Variants in CYFIP1 observed in about 807,000 individuals in gnomAD.
The protein encoded by CYFIP1 is cytoplasmic FMR1 interacting protein 1, also known as cytoplasmic FMR1-interacting protein 1.
Under a neutral mutation model 163.5 loss-of-function variants are expected in CYFIP1, and 58 were observed. The ratio of observed to expected loss-of-function variants is 0.35; its 90% CI spans 0.29 to 0.44. The LOEUF is 0.44. Ranked by LOEUF, CYFIP1 falls within the 20% of genes least tolerant of loss-of-function variation. The pLI, the probability that CYFIP1 is intolerant of heterozygous loss-of-function variation, is 1.00. For synonymous variants in CYFIP1, 663 were observed against 660.7 expected, an observed-to-expected ratio of 1.00 and a Z score of -0.05; for missense variants, 1,338 against 1,653.8, an observed-to-expected ratio of 0.81 and a Z score of 3.31.
In CYFIP1 at chr15:22,868,571, A is replaced by ACAT. The variant is rs2059313333; in HGVS notation, c.*1454_*1456dup. 1 of 150,052 alleles carries ACAT rather than the reference A, an allele frequency of 6.7e-6. No individual in the cohort carries two copies. The highest frequency in any genetic ancestry group is 1.5e-5 in the Non-Finnish European group (1 of 67,994). The allele number at this position is 150,052 out of a possible 1,614,324, so 9.3% of individuals were successfully genotyped here. A position where few individuals can be genotyped will look rare whatever the true frequency, so the allele number is the denominator to read the frequency against. On this transcript the variant is annotated 3_prime_UTR_variant, in exon 31 of 31. Coordinates refer to ENST00000617928, the MANE Select transcript of CYFIP1 (RefSeq NM_014608.6). ...ATGCTGGCCCCAGGGTTATTAATTC[A>ACAT]CATTACCAAAAGCATTTTTAGGGAA...
At chr15:22,967,151 C>T (rs933780798) in intron 1 of CYFIP1, among the ~76,000 whole-genome samples, 5 of 152,300 alleles carry the variant, frequency 3.3e-5, no homozygotes, top group African/African-American at 7.2e-5. Context: ...GGTTGGGACA[C>T]GGGACAAGGA....
intron 13 of CYFIP1, among the ~76,000 whole-genome samples, chr15:22,921,158 A>G (rs1328550398): frequency 6.6e-6 from 1 of 152,052 alleles, no homozygotes; most frequent in East Asian, 1.9e-4. Context: ...TCACAAGGTC[A>G]GGAGTTCGAG....
At position 22,880,689 on chromosome 15, in the gene CYFIP1, T is replaced by G. The variant is rs533637585; in HGVS notation, c.2912-646A>C. On this transcript the variant is annotated intron_variant, in intron 25 of 30. Coordinates refer to ENST00000617928, the MANE Select transcript of CYFIP1 (RefSeq NM_014608.6). ...GCATCAGGAGGGGCCTAAACTACCCTGGGAAGAGCAAAGCGGGAGGCTCAG... is the reference window on the plus strand; with the variant it reads ...GCATCAGGAGGGGCCTAAACTACCCGGGGAAGAGCAAAGCGGGAGGCTCAG... Among the ~76,000 whole-genome samples, 34 of 152,244 alleles carry G rather than the reference T, an allele frequency of 2.2e-4. 1 individual carries two copies. The East Asian group carries it at 6.6e-3, about 29-fold the overall frequency.
intron 14 of CYFIP1, 79 bp from the exon 15 acceptor site, chr15:22,918,014 A>C: frequency 6.7e-7 from 1 of 1,492,398 alleles, no homozygotes; most frequent in South Asian, 1.2e-5. Context: ...TCCTCACCCA[A>C]CTACAAGGCT....
At chr15:22,925,259 G>C (rs1040639578) in intron 13 of CYFIP1, among the ~76,000 whole-genome samples, 3 of 152,164 alleles carry the variant, frequency 2.0e-5, no homozygotes, top group Non-Finnish European at 2.9e-5. Flanking sequence ...GGGAAGAATA[G>C]CCAAGGAAGT....
At chr15:22,956,598 A>G (rs2062463513) in intron 1 of CYFIP1, among the ~76,000 whole-genome samples, 1 of 152,168 alleles carries the variant, frequency 6.6e-6, no homozygotes, top group South Asian at 2.1e-4. Context: ...AAAGGAGTCA[A>G]ACAAGTCAGG....
At chr15:22,892,666 G>C (rs886880419) in intron 23 of CYFIP1, among the ~76,000 whole-genome samples, 2 of 152,142 alleles carry the variant, frequency 1.3e-5, no homozygotes, top group Non-Finnish European at 2.9e-5. Flanking sequence ...CCAACACTAC[G>C]TACGCGCTAG....
intron 17 of CYFIP1, among the ~76,000 whole-genome samples, chr15:22,912,709 G>A (rs2060827484): frequency 6.6e-6 from 1 of 152,126 alleles, no homozygotes; most frequent in South Asian, 2.1e-4. Flanking sequence ...ACTTGATTGA[G>A]GTGAGGAGTT....
At chr15:22,875,404 G>C (rs1029946706) in intron 26 of CYFIP1, 133 bp from the exon 27 acceptor site, 5 of 790,758 alleles carry the variant, frequency 6.3e-6, no homozygotes, top group African/African-American at 1.7e-5. Flanking sequence ...TCTGTCAAGA[G>C]ATTTCTGGGA....
At chr15:22,916,993 A>G in intron 15 of CYFIP1, 1 of 1,551,250 alleles carries the variant, frequency 6.4e-7, no homozygotes, top group Admixed American at 2.0e-5. Context: ...AGCTCGGCAG[A>G]GCCCAAGGAC....
chr15:22,928,454 G>A (rs1256686982), intron 11 of CYFIP1, among the ~76,000 whole-genome samples: 8 of 152,042 alleles, frequency 5.3e-5, no homozygotes, highest in Non-Finnish European at 1.2e-4. Context: ...AAGAAATGCT[G>A]TGGGTGCTGG....
At chr15:22,921,972 T>C (rs1315229002) in intron 13 of CYFIP1, among the ~76,000 whole-genome samples, 2 of 152,108 alleles carry the variant, frequency 1.3e-5, no homozygotes, top group Non-Finnish European at 2.9e-5. Context: ...GGAAAGATCA[T>C]CTTTTCAACA....
chr15:22,891,185 G>T (rs1475727693), intron 23 of CYFIP1, among the ~76,000 whole-genome samples: 2 of 152,178 alleles, frequency 1.3e-5, no homozygotes, highest in Non-Finnish European at 2.9e-5. Flanking sequence ...AGCACTTTGG[G>T]AGGCCGATGC....
intron 22 of CYFIP1, among the ~76,000 whole-genome samples, chr15:22,895,378 T>C (rs752942749): frequency 6.6e-6 from 1 of 152,202 alleles, no homozygotes; most frequent in Non-Finnish European, 1.5e-5. Flanking sequence ...CTCGAACTCC[T>C]GGGCTCAAAC....
chr15:22,879,911 A>T lies in CYFIP1; in HGVS notation c.3042+2T>A. On this transcript the variant is annotated splice_donor_variant, in intron 26 of 30. Coordinates refer to ENST00000617928, the MANE Select transcript of CYFIP1 (RefSeq NM_014608.6). LOFTEE classifies it high-confidence loss of function. ...GAGGGGCGGCGTTGGGGGGCCACTC[A>T]CCAGGCTCTGCTCGATGAGCAGGCA... 2.5e-6 allele frequency: 4 copies of T among 1,610,480 alleles called. No individual in the cohort carries two copies. Among genetic ancestry groups the T allele is most frequent in the Non-Finnish European group, 3.4e-6 (4 of 1,179,500 alleles).
intron 1 of CYFIP1, among the ~76,000 whole-genome samples, chr15:22,961,613 C>G (rs1000735236): frequency 6.6e-6 from 1 of 152,106 alleles, no homozygotes. Context: ...CTCCTAAGCT[C>G]AAGAGATCCT....
At position 22,939,611 on chromosome 15, in the gene CYFIP1, A is replaced by C. The variant is rs902305439; in HGVS notation, c.570-104T>G. The C allele has an allele frequency of 1.9e-4, 169 of 896,694 alleles. 1 individual carries two copies. The highest frequency in any genetic ancestry group is 3.9e-5 in the Non-Finnish European group (24 of 612,060). 55.5% of individuals were successfully genotyped at this position (896,694 alleles called of 1,614,324 possible). On this transcript the variant is annotated intron_variant, in intron 6 of 30. Coordinates refer to ENST00000617928, the MANE Select transcript of CYFIP1 (RefSeq NM_014608.6). Reference sequence around the variant, plus strand: ...GGTTCGAGTGGGATCCCTTTCCCCTACAGTCATCTGCAGAAATGTGGGTCA... The same window carrying C: ...GGTTCGAGTGGGATCCCTTTCCCCTCCAGTCATCTGCAGAAATGTGGGTCA...
At chr15:22,870,365 C>T (rs941637531) in intron 30 of CYFIP1, among the ~76,000 whole-genome samples, 173 bp from the exon 31 acceptor site, 1 of 152,028 alleles carries the variant, frequency 6.6e-6, no homozygotes, top group African/African-American at 2.4e-5. Context: ...CTCTGACGCC[C>T]AGGCTGGAGT....
intron 1 of CYFIP1, among the ~76,000 whole-genome samples, chr15:22,959,245 C>A (rs1190475554): frequency 6.6e-6 from 1 of 152,162 alleles, no homozygotes; most frequent in Non-Finnish European, 1.5e-5. Context: ...TGCTCCTCGA[C>A]GACGGCCATT....
Sources: allele counts gnomAD v4.1 joint callset (sites outside exome capture counted in the v4.1 genomes callset), GRCh38; gene constraint gnomAD v4.1.1; transcripts MANE v1.5; gene names NCBI Gene and HGNC (gene_info 2026-07-23, HGNC 2026-07-21).